The following TUSC3 variants were observed in gnomAD, a reference collection of about 807,000 sequenced individuals.
TUSC3 encodes dolichyl-diphosphooligosaccharide--protein glycosyltransferase subunit TUSC3.
Under a neutral mutation model 44.8 loss-of-function variants are expected in TUSC3, and 45 were observed. The ratio of observed to expected loss-of-function variants is 1.00; its 90% CI spans 0.79 to 1.29. The LOEUF (loss-of-function observed/expected upper bound fraction) is 1.29. Ranked by LOEUF, TUSC3 falls within the 50% of genes most tolerant of loss-of-function variation. The pLI is 0.00. For synonymous variants in TUSC3, 212 were observed against 152.9 expected (o/e 1.39, Z -2.85); for missense variants, 519 against 437.9 (o/e 1.19, Z -1.65).
At chr8:15,800,236 C>G in the TUSC3 span, among the ~76,000 whole-genome samples, 1 of 152,132 alleles carries the variant, frequency 6.6e-6, no homozygotes, top group African/African-American at 2.4e-5. Flanking sequence ...CTCTTTGTAG[C>G]TTTCTTCTGA....
intron 6 of TUSC3, among the ~76,000 whole-genome samples, chr8:15,683,080 A>AT (rs1175501238): frequency 6.6e-6 from 1 of 151,512 alleles, no homozygotes; most frequent in Non-Finnish European, 1.5e-5. Context: ...TGCCTTTAAG[A>AT]TTTTTTCTTT....
chr8:15,616,024 G>T (rs2129161107), intron 1 of TUSC3, among the ~76,000 whole-genome samples: 1 of 152,274 alleles, frequency 6.6e-6, no homozygotes, highest in South Asian at 2.1e-4. Context: ...TGTGGAGTTG[G>T]GGCCTCACTG....
chr8:15,513,892 GTCC>G (rs1801176131), intron 2 of TUSC3, among the ~76,000 whole-genome samples: 1 of 152,094 alleles, frequency 6.6e-6, no homozygotes, highest in Non-Finnish European at 1.5e-5. Flanking sequence ...CCTTTAGTCT[GTCC>G]TCCATCTCCT....
At chr8:15,563,173 C>A (rs1802540408) in intron 1 of TUSC3, among the ~76,000 whole-genome samples, 1 of 152,010 alleles carries the variant, frequency 6.6e-6, no homozygotes, top group African/African-American at 2.4e-5. Flanking sequence ...AGACATTTAC[C>A]AATGACTATA....
intron 6 of TUSC3, among the ~76,000 whole-genome samples, chr8:15,707,672 A>G (rs1809673570): frequency 1.3e-5 from 2 of 151,954 alleles, no homozygotes; most frequent in South Asian, 2.1e-4. Context: ...GAGATGTGGA[A>G]TGGGAAATGG....
chr8:15,530,895 T>A (rs147805137), intron 2 of TUSC3, among the ~76,000 whole-genome samples: 91 of 152,328 alleles, frequency 6.0e-4, no homozygotes, highest in African/African-American at 2.2e-3. Flanking sequence ...AACTCAGTCC[T>A]TGTGTGTCTG....
chr8:15,484,082 A>AT (rs1800703861), intron 2 of TUSC3, among the ~76,000 whole-genome samples: 1 of 152,254 alleles, frequency 6.6e-6, no homozygotes, highest in South Asian at 2.1e-4. Context: ...TTGTAGTGAG[A>AT]TTTTTAATAT....
At chr8:15,659,765 G>T (rs1371764864) in intron 4 of TUSC3, 118 bp downstream of exon 4, 3 of 1,355,350 alleles carry the variant, frequency 2.2e-6, no homozygotes, top group Non-Finnish European at 3.1e-6. Flanking sequence ...TCCTTGCATA[G>T]AGAAAACTGT....
intron 3 of TUSC3, among the ~76,000 whole-genome samples, chr8:15,656,478 G>C (rs35199368): frequency 0.31 from 47,462 of 152,136 alleles, 8,083 homozygotes; most frequent in East Asian, 0.43. Context: ...TCCAAAAACT[G>C]ACTGGGAAAA....
chr8:15,446,088 G>C (rs141923264), intron 1 of TUSC3, among the ~76,000 whole-genome samples: 10 of 150,210 alleles, frequency 6.7e-5, no homozygotes, highest in Admixed American at 2.6e-4. Context: ...CCTCCCAGAC[G>C]GGGTGGCGGT....
At chr8:15,628,455 G>T (rs943938863) in intron 2 of TUSC3, among the ~76,000 whole-genome samples, 6 of 151,970 alleles carry the variant, frequency 3.9e-5, no homozygotes, top group African/African-American at 1.2e-4. Flanking sequence ...GTTCATTATA[G>T]CCTATTTTAA....
chr8:15,420,325 C>T lies in TUSC3; in HGVS notation n.91+3020C>T, dbSNP rs990741247. 7.2e-5 allele frequency among the ~76,000 whole-genome samples: 11 copies of T among 151,940 alleles called. No individual in the cohort carries two copies. The East Asian group carries it at 1.8e-3, about 24-fold the overall frequency. On this transcript the variant is annotated intron_variant and non_coding_transcript_variant, in intron 1 of 5. Transcript: ENST00000503191. ...CAGCCTGGCCAACATGGGGAAACCT[C>T]GTCTCTACTAAAAATAAAAAAAAAT...
chr8:15,504,976 A>C (rs1023592242), intron 2 of TUSC3, among the ~76,000 whole-genome samples: 4 of 151,990 alleles, frequency 2.6e-5, no homozygotes, highest in African/African-American at 7.2e-5. Context: ...TTCTATTTCA[A>C]ATGAGGTGCG....
intron 6 of TUSC3, among the ~76,000 whole-genome samples, chr8:15,715,690 T>A (rs12156036): frequency 6.7e-6 from 1 of 150,288 alleles, no homozygotes. Flanking sequence ...CATTTCCTGA[T>A]GTAAAACAGA....
At chr8:15,715,681 A>C (rs1416275295) in intron 6 of TUSC3, among the ~76,000 whole-genome samples, 1 of 151,414 alleles carries the variant, frequency 6.6e-6, no homozygotes, top group Admixed American at 6.6e-5. Context: ...ACTACTATGC[A>C]TTTCCTGATG....
At chr8:15,738,827 C>CTTTTTTCTTTCTTTCTTTTTTT (rs1811047964) in intron 7 of TUSC3, among the ~76,000 whole-genome samples, 1 of 87,172 alleles carries the variant, frequency 1.1e-5, no homozygotes, top group Non-Finnish European at 2.1e-5. Context: ...ATATATCTTG[C>CTTTTTTCTTTCTTTCTTTTTTT]TTTTTTTTTT....
the TUSC3 span, among the ~76,000 whole-genome samples, chr8:15,805,699 T>C: frequency 6.6e-6 from 1 of 152,180 alleles, no homozygotes; most frequent in African/African-American, 2.4e-5. Flanking sequence ...AAATTAACTT[T>C]CTGATGTGCT....
intron 2 of TUSC3, among the ~76,000 whole-genome samples, chr8:15,490,201 A>G (rs1023850770): frequency 6.6e-6 from 1 of 152,192 alleles, no homozygotes; most frequent in Non-Finnish European, 1.5e-5. Context: ...AAACATTAGG[A>G]CCAATCTGAA....
chr8:15,567,047 A>C (rs1802704867), intron 1 of TUSC3, among the ~76,000 whole-genome samples: 2 of 152,294 alleles, frequency 1.3e-5, no homozygotes, highest in South Asian at 2.1e-4. Flanking sequence ...AATGTGCAAC[A>C]AATTCTAGTC....
Sources: allele counts gnomAD v4.1 joint callset (sites outside exome capture counted in the v4.1 genomes callset), GRCh38; gene constraint gnomAD v4.1.1; transcripts MANE v1.5; gene names NCBI Gene and HGNC (gene_info 2026-07-23, HGNC 2026-07-21).